The following OSBPL6 variants were observed in gnomAD, a reference collection of about 807,000 sequenced individuals.
The protein encoded by OSBPL6 is oxysterol-binding protein-related protein 6.
In OSBPL6, 49 loss-of-function variants were observed where a neutral mutation model predicts 125.8. That is an observed-to-expected ratio of 0.39 (90% CI 0.31 to 0.49). The LOEUF (loss-of-function observed/expected upper bound fraction) is 0.49. OSBPL6 is among the 20% of genes least tolerant of loss of function. The pLI, the probability that OSBPL6 is intolerant of heterozygous loss-of-function variation, is 0.88. For synonymous variants in OSBPL6, 394 were observed against 391.8 expected, an observed-to-expected ratio of 1.01 and a Z score of -0.07; for missense variants, 986 against 1,135.4, an observed-to-expected ratio of 0.87 and a Z score of 1.89.
rs560601548 is a variant in OSBPL6 at position 178,312,138 on chromosome 2, C to T, written c.102+5852C>T. On this transcript the variant is annotated intron_variant, in intron 3 of 24. Transcript: ENST00000190611. ...CTGGGACTACAGGCGAGCACCACCACGCCCAGCTGATTTTTGTAATTTTTT... is the reference window on the plus strand; with the variant it reads ...CTGGGACTACAGGCGAGCACCACCATGCCCAGCTGATTTTTGTAATTTTTT... Among the ~76,000 whole-genome samples, 325 of 149,580 alleles carry T rather than the reference C, an allele frequency of 2.2e-3. 5 individuals carry two copies. The highest frequency in any genetic ancestry group is 7.5e-3 in the African/African-American group (303 of 40,608).
At chr2:178,211,513 C>T (rs1186505631) in intron 1 of OSBPL6, among the ~76,000 whole-genome samples, 1 of 152,170 alleles carries the variant, frequency 6.6e-6, no homozygotes, top group Non-Finnish European at 1.5e-5. Context: ...CCTCAGGGCT[C>T]CTGCCAGAGC....
chr2:178,262,348 G>T lies in OSBPL6; in HGVS notation c.-350-22579G>T, dbSNP rs1191142277. 2.6e-5 allele frequency among the ~76,000 whole-genome samples: 4 copies of T among 152,186 alleles called. No individual in the cohort carries two copies. The East Asian group carries it at 7.7e-4, about 29-fold the overall frequency. ...TAACAGATTAATGTGTGAAATAATT[G>T]TTTGAGTATTAAATTTTCCATAATA... On this transcript the variant is annotated intron_variant, in intron 1 of 24. Transcript: ENST00000190611.
intron 1 of OSBPL6, among the ~76,000 whole-genome samples, chr2:178,245,620 G>C (rs1017744899): frequency 1.3e-5 from 2 of 152,196 alleles, no homozygotes; most frequent in African/African-American, 4.8e-5. Flanking sequence ...GTATACGTGG[G>C]ATAACTAGAT....
At chr2:178,288,594 T>C (rs1369632786) in intron 2 of OSBPL6, among the ~76,000 whole-genome samples, 2 of 152,030 alleles carry the variant, frequency 1.3e-5, no homozygotes, top group African/African-American at 4.8e-5. Context: ...AAAAGGAGTA[T>C]ACTGTTCATA....
At chr2:178,207,608 C>T (rs1264554753) in intron 1 of OSBPL6, among the ~76,000 whole-genome samples, 1 of 152,154 alleles carries the variant, frequency 6.6e-6, no homozygotes, top group Non-Finnish European at 1.5e-5. Flanking sequence ...AGTACATCTG[C>T]ATCAGGAGAT....
intron 1 of OSBPL6, among the ~76,000 whole-genome samples, chr2:178,276,392 A>T (rs867763497): frequency 1.2e-3 from 100 of 83,178 alleles, no homozygotes; most frequent in African/African-American, 5.4e-3. Flanking sequence ...TTTTTTTTTG[A>T]GACGGAGTCT....
chr2:178,388,825 A>G (rs528893870), intron 20 of OSBPL6, among the ~76,000 whole-genome samples, 184 bp from the exon 21 acceptor site: 326 of 152,356 alleles, frequency 2.1e-3, no homozygotes, highest in African/African-American at 7.7e-3. Context: ...AAAGCACTTA[A>G]ATGTTCCTTA....
intron 11 of OSBPL6, among the ~76,000 whole-genome samples, chr2:178,348,944 C>T (rs757973501): frequency 1.3e-4 from 20 of 152,156 alleles, no homozygotes; most frequent in Non-Finnish European, 2.6e-4. Context: ...AGAGTTTAAG[C>T]TTGCTTGGGA....
chr2:178,266,349 C>T (rs2092233721), intron 1 of OSBPL6, among the ~76,000 whole-genome samples: 1 of 152,184 alleles, frequency 6.6e-6, no homozygotes, highest in Non-Finnish European at 1.5e-5. Context: ...ACAGTGATTG[C>T]ACCCAGGATG....
intron 2 of OSBPL6, among the ~76,000 whole-genome samples, 167 bp from the exon 3 acceptor site, chr2:178,305,863 T>A (rs1259272546): frequency 2.2e-5 from 2 of 93,020 alleles, no homozygotes; most frequent in Admixed American, 2.3e-4. Context: ...TTTTTTTTTT[T>A]ACACACTGAC....
At chr2:178,337,872 A>G (rs1448245491) in intron 9 of OSBPL6, among the ~76,000 whole-genome samples, 1 of 152,194 alleles carries the variant, frequency 6.6e-6, no homozygotes, top group Non-Finnish European at 1.5e-5. Flanking sequence ...TATGAATGTA[A>G]TATTTCCTGG....
chr2:178,380,214 T>C (rs1236900924), intron 15 of OSBPL6, among the ~76,000 whole-genome samples: 1 of 152,040 alleles, frequency 6.6e-6, no homozygotes, highest in Non-Finnish European at 1.5e-5. Context: ...TTTGAGAGGC[T>C]GCAGTGGAAG....
In OSBPL6 at chr2:178,325,261, G is replaced by A. The variant is rs1574872107; in HGVS notation, c.195+992G>A. On this transcript the variant is annotated intron_variant, in intron 4 of 24. Transcript: ENST00000190611. ...AAAATAGCACTTTATACCCAAAGACGGTTAACTTCTAAATATGTAAAACTG... is the reference window on the plus strand; with the variant it reads ...AAAATAGCACTTTATACCCAAAGACAGTTAACTTCTAAATATGTAAAACTG... Among the ~76,000 whole-genome samples, 5 of 152,124 alleles carry A rather than the reference G, an allele frequency of 3.3e-5. No homozygotes were observed. In the South Asian group the frequency reaches 1.0e-3, roughly 32 times the overall value.
At chr2:178,265,177 T>C (rs2092190662) in intron 1 of OSBPL6, among the ~76,000 whole-genome samples, 1 of 122,732 alleles carries the variant, frequency 8.1e-6, no homozygotes, top group Non-Finnish European at 1.6e-5. Context: ...TCACTTCCCC[T>C]GGCCCAGACG....
intron 1 of OSBPL6, among the ~76,000 whole-genome samples, 181 bp from the exon 2 acceptor site, chr2:178,284,746 G>A (rs1247734793): frequency 1.3e-5 from 2 of 152,114 alleles, no homozygotes; most frequent in Non-Finnish European, 2.9e-5. Context: ...CAGTGGTTAC[G>A]TCTTTGAGGT....
In OSBPL6 at chr2:178,322,803, C is replaced by G. The variant is rs1688354101; in HGVS notation, c.103-1374C>G. On this transcript the variant is annotated intron_variant, in intron 3 of 24. Coordinates refer to ENST00000190611, the MANE Select transcript of OSBPL6 (RefSeq NM_032523.4). Reference sequence around the variant, plus strand: ...GTAATTTATTTGTTGGTGGGGGAAGCATTTTATATCTCTGTAATACAGTGA... The same window carrying G: ...GTAATTTATTTGTTGGTGGGGGAAGGATTTTATATCTCTGTAATACAGTGA... 2.0e-5 allele frequency among the ~76,000 whole-genome samples: 3 copies of G among 151,572 alleles called. No individual in the cohort carries two copies. In the South Asian group the frequency reaches 6.2e-4, roughly 31 times the overall value.
intron 1 of OSBPL6, among the ~76,000 whole-genome samples, chr2:178,226,666 G>A (rs2090576056): frequency 6.6e-6 from 1 of 152,152 alleles, no homozygotes; most frequent in Non-Finnish European, 1.5e-5. Flanking sequence ...AGAAGAAATG[G>A]TTATCTTTAA....
intron 15 of OSBPL6, among the ~76,000 whole-genome samples, chr2:178,377,580 A>G (rs370878391): frequency 1.6e-4 from 24 of 152,294 alleles, no homozygotes; most frequent in African/African-American, 5.3e-4. Context: ...TTGACTATAC[A>G]TGTGGGAATC....
chr2:178,336,384 A>G lies in OSBPL6; in HGVS notation c.741A>G (p.Lys247=). The change falls in exon 9 of 25, where the codon AAA becomes AAG. Residue 247 remains lysine, a synonymous_variant. Coordinates refer to ENST00000190611, the MANE Select transcript of OSBPL6 (RefSeq NM_032523.4). ...LPATCTTGQS[K]VAAWLQDSEE... ...CAACGTGCACAACTGGCCAGAGTAA[A>G]GTGGCAGCCTGGTTACAGGACTCGG... 6.2e-7 allele frequency: 1 copy of G among 1,614,134 alleles called. No individual in the cohort carries two copies. Among genetic ancestry groups the G allele is most frequent in the South Asian group, 1.1e-5 (1 of 91,078 alleles).
Sources: gnomAD v4.1 joint callset for allele counts (sites outside exome capture counted in the v4.1 genomes callset) on GRCh38, gnomAD v4.1.1 for gene constraint, MANE v1.5 for transcripts, NCBI Gene and HGNC (gene_info 2026-07-23, HGNC 2026-07-21) for gene names.